The following HECW1 variants were observed in gnomAD, a reference collection of about 807,000 sequenced individuals.
The protein encoded by HECW1 is HECT, C2 and WW domain containing E3 ubiquitin protein ligase 1.
A neutral mutation model predicts 182.3 loss-of-function variants in HECW1; 61 were observed. That is an observed-to-expected ratio of 0.33 (90% CI 0.27 to 0.41). The LOEUF (loss-of-function observed/expected upper bound fraction) is 0.41. HECW1 is among the 10% of genes least tolerant of loss of function. The pLI, the probability that HECW1 is intolerant of heterozygous loss-of-function variation, is 1.00. For synonymous variants in HECW1, 859 were observed against 832.6 expected (o/e 1.03, Z -0.55); for missense variants, 1,739 against 2,108.9 (o/e 0.82, Z 3.44).
At chr7:43,321,221 C>A (rs908426552) in intron 5 of HECW1, among the ~76,000 whole-genome samples, 5 of 152,172 alleles carry the variant, frequency 3.3e-5, no homozygotes, top group Non-Finnish European at 7.3e-5. Flanking sequence ...GCCACAGCTC[C>A]CCCGGAGGGC....
At position 43,479,896 on chromosome 7, in the gene HECW1, A is replaced by G. The variant is rs980760467; in HGVS notation, c.3234+152A>G. On this transcript the variant is annotated intron_variant, in intron 17 of 29. Coordinates refer to ENST00000395891, the MANE Select transcript of HECW1 (RefSeq NM_015052.5). ...CACCCTGCTTTGTAGAAGAATGATGACCGGGACACCCACTTAACACCCCAG... is the reference window on the plus strand; with the variant it reads ...CACCCTGCTTTGTAGAAGAATGATGGCCGGGACACCCACTTAACACCCCAG... 5.7e-6 allele frequency: 5 copies of G among 881,660 alleles called. No individual in the cohort carries two copies. The South Asian group carries it at 8.6e-5, about 15-fold the overall frequency. 54.6% of individuals were successfully genotyped at this position (881,660 alleles called of 1,614,324 possible). A position where few individuals can be genotyped will look rare whatever the true frequency, so the allele number is the denominator to read the frequency against.
chr7:43,450,660 TC>T (rs1207165118), intron 11 of HECW1, among the ~76,000 whole-genome samples, 167 bp from the exon 12 acceptor site: 1 of 152,046 alleles, frequency 6.6e-6, no homozygotes, highest in East Asian at 1.9e-4. Flanking sequence ...AAAAAATATT[TC>T]CCCCCTCACG....
At chr7:43,305,585 TTTGTTGTTGTTG>T (rs144135825) in intron 3 of HECW1, among the ~76,000 whole-genome samples, 4 of 150,646 alleles carry the variant, frequency 2.7e-5, no homozygotes, top group African/African-American at 7.4e-5. Context: ...TGGATAGTGT[TTTGTTGTTGTTG>T]TTGTTGTTGT....
At chr7:43,232,701 C>A (rs1270454181) in intron 2 of HECW1, among the ~76,000 whole-genome samples, 6 of 152,166 alleles carry the variant, frequency 3.9e-5, no homozygotes, top group Admixed American at 3.9e-4. Context: ...CAGTGAACAT[C>A]ACATTTAATT....
chr7:43,541,787 AGGAAT>A, intron 25 of HECW1, 77 bp from the exon 26 acceptor site: 2 of 1,262,780 alleles, frequency 1.6e-6, no homozygotes, highest in South Asian at 6.1e-5. Flanking sequence ...TGTTTTAGCC[AGGAAT>A]GATATAACCA....
At chr7:43,242,727 C>A (rs1196706351) in intron 2 of HECW1, among the ~76,000 whole-genome samples, 1 of 152,098 alleles carries the variant, frequency 6.6e-6, no homozygotes, top group African/African-American at 2.4e-5. Context: ...GGACCTTCTC[C>A]AAGGAGGAAG....
chr7:43,175,293 A>C (rs1792116339), intron 2 of HECW1, among the ~76,000 whole-genome samples: 3 of 152,152 alleles, frequency 2.0e-5, no homozygotes, highest in Non-Finnish European at 4.4e-5. Context: ...CACTCTCAGC[A>C]ATTTGTAAGT....
chr7:43,375,963 GA>G, intron 6 of HECW1, among the ~76,000 whole-genome samples: 1 of 148,052 alleles, frequency 6.8e-6, no homozygotes, highest in South Asian at 2.2e-4. Flanking sequence ...ACATTTGAAT[GA>G]AAAAGGCAGT....
At chr7:43,516,777 G>A (rs908805242) in intron 24 of HECW1, among the ~76,000 whole-genome samples, 16 of 152,328 alleles carry the variant, frequency 1.1e-4, no homozygotes, top group African/African-American at 3.4e-4. Flanking sequence ...CACAAACCTA[G>A]ATGGCAGAGC....
At chr7:43,299,675 GC>G (rs1806487690) in intron 3 of HECW1, among the ~76,000 whole-genome samples, 2 of 152,082 alleles carry the variant, frequency 1.3e-5, no homozygotes, top group Admixed American at 1.3e-4. Context: ...AGTAAGTGTC[GC>G]CTGAGACGTT....
intron 3 of HECW1, among the ~76,000 whole-genome samples, chr7:43,281,195 G>A (rs1022087406): frequency 6.6e-6 from 1 of 152,134 alleles, no homozygotes; most frequent in African/African-American, 2.4e-5. Flanking sequence ...CTTTGGCCCT[G>A]TCACTGCAGG....
intron 3 of HECW1, among the ~76,000 whole-genome samples, chr7:43,265,021 T>C (rs925351746): frequency 2.0e-5 from 3 of 152,122 alleles, no homozygotes; most frequent in Non-Finnish European, 4.4e-5. Context: ...TATTTTCATA[T>C]AGTCAAGAAA....
chr7:43,511,588 A>T (rs2079873660), intron 24 of HECW1: 1 of 152,298 alleles, frequency 6.6e-6, no homozygotes. Flanking sequence ...CTTTGCACAG[A>T]GCCACAGCTG....
intron 29 of HECW1, among the ~76,000 whole-genome samples, chr7:43,556,344 C>T (rs1225370925): frequency 6.6e-6 from 1 of 152,090 alleles, no homozygotes; most frequent in East Asian, 1.9e-4. Context: ...ATGCCCGGAG[C>T]AACATCACAG....
At chr7:43,388,632 T>G (rs189806254) in intron 6 of HECW1, among the ~76,000 whole-genome samples, 118 of 152,204 alleles carry the variant, frequency 7.8e-4, no homozygotes, top group East Asian at 2.7e-3. Context: ...ATATTCTGGG[T>G]TTTTTTGTTT....
chr7:43,559,606 A>G (rs1036115171), intron 29 of HECW1, among the ~76,000 whole-genome samples: 2 of 152,172 alleles, frequency 1.3e-5, no homozygotes, highest in East Asian at 1.9e-4. Flanking sequence ...AGGAAGATTA[A>G]TTGACTTTTC....
At chr7:43,294,128 C>T (rs758537240) in intron 3 of HECW1, among the ~76,000 whole-genome samples, 6 of 152,230 alleles carry the variant, frequency 3.9e-5, no homozygotes, top group Non-Finnish European at 7.3e-5. Flanking sequence ...GGGGCAAACT[C>T]TCATGTGCAT....
rs1799050468 is a variant in HECW1 at position 43,243,210 on chromosome 7, A to G, written c.-31-665A>G. On this transcript the variant is annotated intron_variant, in intron 2 of 29. Transcript: ENST00000395891. The surrounding 1 kb of genome is among the most constrained non-coding windows in gnomAD (Gnocchi z 4.0). ...ACCTGGATTAAGAGGGCCCTGACAG[A>G]TGATGCCGTCAGCAACTGTCCCATG... Among the ~76,000 whole-genome samples the G allele has an allele frequency of 6.6e-6, 1 of 152,178 alleles. No homozygotes were observed. Among genetic ancestry groups the G allele is most frequent in the Admixed American group, 6.5e-5 (1 of 15,276 alleles).
chr7:43,306,052 G>A (rs947055269), intron 3 of HECW1, among the ~76,000 whole-genome samples: 3 of 152,048 alleles, frequency 2.0e-5, no homozygotes, highest in Non-Finnish European at 2.9e-5. Context: ...GAGCCACCCT[G>A]CCCAGCCTAA....
Sources: allele counts gnomAD v4.1 joint callset (sites outside exome capture counted in the v4.1 genomes callset), GRCh38; gene constraint gnomAD v4.1.1; non-coding constraint Gnocchi (gnomAD v3.1); transcripts MANE v1.5; gene names NCBI Gene and HGNC (gene_info 2026-07-23, HGNC 2026-07-21).